UGT1A4: variants seen among roughly 807,000 people sequenced by gnomAD.
UGT1A4 encodes UDP glucuronosyltransferase family 1 member A4, also known as UDP-glucuronosyltransferase 1A4.
Under a neutral mutation model 41.1 loss-of-function variants are expected in UGT1A4, and 32 were observed. That is an observed-to-expected ratio of 0.78 (90% CI 0.59 to 1.05). UGT1A4 has a LOEUF of 1.05. Among genes scored for constraint, UGT1A4 ranks in the 50% least tolerant of loss-of-function variants. UGT1A4 has a pLI of 0.00. For missense variants in UGT1A4, 748 were observed against 677.4 expected, an observed-to-expected ratio of 1.10 and a Z score of -1.16; for synonymous variants, 283 against 265.1, an observed-to-expected ratio of 1.07 and a Z score of -0.66.
intron 4 of UGT1A4, chr2:233,771,511 A>G (rs1282263981): frequency 1.3e-5 from 2 of 152,328 alleles, no homozygotes; most frequent in Non-Finnish European, 2.9e-5. Context: ...ACTGAATTAC[A>G]AATATATCAT....
intron 1 of UGT1A4, chr2:233,756,153 G>A (rs1213505703): frequency 6.6e-6 from 1 of 152,140 alleles, no homozygotes; most frequent in Non-Finnish European, 1.5e-5. Flanking sequence ...GGGATCCCTA[G>A]GATTTCCTGG....
In UGT1A4 at chr2:233,772,332, G is replaced by A. The variant is rs1201825340; in HGVS notation, c.1378G>A (p.Val460Met). 10 of 1,614,084 alleles carry A rather than the reference G, an allele frequency of 6.2e-6. No individual in the cohort carries two copies. Among genetic ancestry groups the A allele is most frequent in the East Asian group, 2.2e-5 (1 of 44,892 alleles). ...DRPVEPLDLAVFWVEFVMRHK... is the reference protein window; with the variant it reads ...DRPVEPLDLAMFWVEFVMRHK... ...CCCGGTGGAGCCGCTGGACCTGGCC[G>A]TGTTCTGGGTGGAGTTTGTGATGAG... The change falls in exon 5 of 5, where the codon GTG becomes ATG. Residue 460 changes from valine (V) to methionine (M), a missense_variant. Physicochemically the swap from Val to Met is conservative, Grantham distance 21 (BLOSUM62 1). Transcript: ENST00000373409.
intron 4 of UGT1A4, chr2:233,770,180 T>C (rs1257391797): frequency 6.6e-6 from 1 of 152,250 alleles, no homozygotes; most frequent in Non-Finnish European, 1.5e-5. Context: ...CTCAACTTAT[T>C]AACTAACTTT....
rs910583774 is a variant in UGT1A4 at position 233,730,144 on chromosome 2, T to G, written c.867+10457T>G. The G allele has an allele frequency of 2.1e-5, 31 of 1,508,278 alleles. No individual in the cohort carries two copies. In the East Asian group the frequency reaches 2.9e-4, roughly 14 times the overall value. 93.4% of individuals were successfully genotyped at this position (1,508,278 alleles called of 1,614,324 possible). On this transcript the variant is annotated intron_variant, in intron 1 of 4. Transcript: ENST00000373409. ...CATAATAGCCTTCAGTGAGATAAAC[T>G]GTTAAGGGGTCTCTAGTAGCGTATT...
chr2:233,720,767 C>T (rs550051357), intron 1 of UGT1A4, among the ~76,000 whole-genome samples: 21 of 150,960 alleles, frequency 1.4e-4, no homozygotes, highest in African/African-American at 4.9e-4. Flanking sequence ...GGGCAGTGGC[C>T]GGATCTCCGC....
At chr2:233,768,183 A>G (rs753962326) in intron 3 of UGT1A4, 37 bp from the exon 4 acceptor site, 1 of 1,614,004 alleles carries the variant, frequency 6.2e-7, no homozygotes, top group Non-Finnish European at 8.5e-7. Context: ...AAACTCAGAG[A>G]TGTAACTGCT....
chr2:233,772,588 T>C lies in UGT1A4; in HGVS notation c.*29T>C, dbSNP rs945548426. The stretch of plus-strand genomic sequence containing the variant: ...GTGGGTGGGAAATAAGGTAAAATTT[T>C]GAACCATTCCCTAGTCATTTCCAAA... On this transcript the variant is annotated 3_prime_UTR_variant, in exon 5 of 5. Transcript: ENST00000373409. The C allele has an allele frequency of 1.1e-5, 18 of 1,603,922 alleles. No individual in the cohort carries two copies. In the African/African-American group the frequency reaches 1.7e-4, roughly 16 times the overall value.
At chr2:233,760,684 A>G in intron 1 of UGT1A4, 1 of 1,614,204 alleles carries the variant, frequency 6.2e-7, no homozygotes, top group Non-Finnish European at 8.5e-7. Context: ...CTTACTGCAC[A>G]ACAAGGAGCT....
intron 1 of UGT1A4, among the ~76,000 whole-genome samples, chr2:233,727,176 C>G (rs2077590030): frequency 6.6e-6 from 1 of 152,122 alleles, no homozygotes; most frequent in Non-Finnish European, 1.5e-5. Context: ...TTTTCTGTCT[C>G]TGGACTTTGC....
At chr2:233,735,047 G>A (rs1460443849) in intron 1 of UGT1A4, among the ~76,000 whole-genome samples, 1 of 152,202 alleles carries the variant, frequency 6.6e-6, no homozygotes, top group Non-Finnish European at 1.5e-5. Context: ...GTGCAGAGCT[G>A]AGTTCAGGTC....
At chr2:233,743,500 G>A (rs1692320466) in intron 1 of UGT1A4, 2 of 1,367,072 alleles carry the variant, frequency 1.5e-6, no homozygotes. Flanking sequence ...AGAGAAAAGG[G>A]GTGCAGACGC....
chr2:233,729,769 C>T (rs760048643), intron 1 of UGT1A4: 6 of 1,614,014 alleles, frequency 3.7e-6, no homozygotes, highest in East Asian at 2.2e-5. Flanking sequence ...CAAGAACATG[C>T]TCTACCCTCT....
chr2:233,738,287 A>T, intron 1 of UGT1A4, among the ~76,000 whole-genome samples: 1 of 152,330 alleles, frequency 6.6e-6, no homozygotes, highest in South Asian at 2.1e-4. Flanking sequence ...TAAATTACCC[A>T]GTCTTGGGTA....
chr2:233,744,059 G>A (rs1241791762), intron 1 of UGT1A4: 4 of 568,466 alleles, frequency 7.0e-6, no homozygotes, highest in Non-Finnish European at 1.1e-5. Context: ...ATTGGTCGAG[G>A]CCTATGAGCG....
Position 233,748,513 on chromosome 2 carries a change from T to C in UGT1A4, c.868-18521T>C, listed in dbSNP as rs527780891. Among the ~76,000 whole-genome samples the C allele has an allele frequency of 5.3e-5, 8 of 151,912 alleles. No homozygotes were observed. The South Asian group carries it at 1.7e-3, about 31-fold the overall frequency. The stretch of plus-strand genomic sequence containing the variant: ...TGTGATAATTTTTAGTGGTCCTGTC[T>C]TGCGAATGATAGAGAGGTGACCACA... On this transcript the variant is annotated intron_variant, in intron 1 of 4. Transcript: ENST00000373409.
At chr2:233,735,346 T>A (rs559111340) in intron 1 of UGT1A4, among the ~76,000 whole-genome samples, 5 of 152,212 alleles carry the variant, frequency 3.3e-5, no homozygotes, top group African/African-American at 1.2e-4. Context: ...GCTTTTTTTT[T>A]GCTTTCCATT....
chr2:233,756,907 T>G (rs1416873228), intron 1 of UGT1A4, among the ~76,000 whole-genome samples: 2 of 152,072 alleles, frequency 1.3e-5, no homozygotes, highest in Admixed American at 6.5e-5. Flanking sequence ...CAGAACAAAC[T>G]TCTGAGTTTA....
intron 1 of UGT1A4, chr2:233,729,581 A>AC (rs752036126): frequency 6.8e-6 from 11 of 1,613,946 alleles, no homozygotes. Context: ...GTTTTAACAG[A>AC]CCCCGTTAAC....
In UGT1A4 at chr2:233,719,204, T is replaced by C. The variant is rs147848546; in HGVS notation, c.384T>C (p.Cys128=). 63 of 1,614,240 alleles carry C rather than the reference T, an allele frequency of 3.9e-5. No homozygotes were observed. The African/African-American group carries it at 7.3e-4, about 19-fold the overall frequency. ...TATCTTTGGCCCTTCATAGGTGTTG[T>C]GTGGAGCTACTGCATAATGAGGCCC... is the stretch of plus-strand genomic sequence containing the variant. ...NNVSLALHRC[C]VELLHNEALI... is the part of the protein sequence containing the mutation. The change falls in exon 1 of 5, where the codon TGT becomes TGC. Residue 128 remains cysteine, a synonymous_variant. Transcript: ENST00000373409.
Sources: gnomAD v4.1 joint callset for allele counts (sites outside exome capture counted in the v4.1 genomes callset) on GRCh38, gnomAD v4.1.1 for gene constraint, MANE v1.5 for transcripts, NCBI Gene and HGNC (gene_info 2026-07-23, HGNC 2026-07-21) for gene names.